PKP4: variants seen among roughly 807,000 people sequenced by gnomAD.
The protein encoded by PKP4 is plakophilin-4.
A neutral mutation model predicts 145.1 loss-of-function variants in PKP4; 90 were observed. The observed-to-expected ratio is 0.62, with a 90% confidence interval of 0.52 to 0.74. The LOEUF is 0.74. Among genes scored for constraint, PKP4 ranks in the 30% least tolerant of loss-of-function variants. The pLI, the probability that PKP4 is intolerant of heterozygous loss-of-function variation, is 0.00. For missense variants in PKP4, 1,340 were observed against 1,482.7 expected (o/e 0.90, Z 1.58); for synonymous variants, 563 against 577.2 (o/e 0.98, Z 0.35).
intron 4 of PKP4, among the ~76,000 whole-genome samples, chr2:158,608,810 T>TTA (rs771935191): frequency 1.3e-5 from 1 of 78,822 alleles, no homozygotes; most frequent in East Asian, 3.2e-4. Flanking sequence ...TTTTCTTTCT[T>TTA]TTTTTTTTTT....
rs766026560 is a variant in PKP4, at chr2:158,631,827, C to G, written c.1228C>G (p.His410Asp). 6.2e-7 allele frequency: 1 copy of G among 1,614,072 alleles called. No homozygotes were observed. The highest frequency in any genetic ancestry group is 8.5e-7 in the Non-Finnish European group (1 of 1,179,942). Residue 410 changes from histidine (H) to aspartate (D), a missense_variant, in exon 8 of 22, where the codon CAC becomes GAC. Coordinates refer to ENST00000389759, the MANE Select transcript of PKP4 (RefSeq NM_003628.6). The part of the protein sequence containing the change: ...DLRSAVSPDL[H>D]ITPIYEGRTY... ...TCGTTCTGCCGTGTCTCCCGACTTG[C>G]ACATTACTCCTATATATGAGGGGAG...
At chr2:158,554,704 C>T (rs1156977550) in intron 2 of PKP4, among the ~76,000 whole-genome samples, 2 of 152,132 alleles carry the variant, frequency 1.3e-5, no homozygotes, top group Admixed American at 6.5e-5. Flanking sequence ...GGATTGCAGG[C>T]GTGAGCCACT....
At chr2:158,461,054 C>T (rs1165021204) in intron 1 of PKP4, among the ~76,000 whole-genome samples, 1 of 152,122 alleles carries the variant, frequency 6.6e-6, no homozygotes, top group Non-Finnish European at 1.5e-5. Flanking sequence ...GTTCGATGCT[C>T]AGTGATAAGA....
chr2:158,504,497 A>T (rs1697032840), intron 1 of PKP4, among the ~76,000 whole-genome samples: 1 of 152,180 alleles, frequency 6.6e-6, no homozygotes, highest in South Asian at 2.1e-4. Flanking sequence ...CTCACTGGCA[A>T]TTTAGCCCTT....
Position 158,680,568 on chromosome 2 carries a change from C to T in PKP4, c.3470C>T (p.Ser1157Leu), listed in dbSNP as rs1559009938. 6.2e-7 allele frequency: 1 copy of T among 1,614,000 alleles called. No homozygotes were observed. Among genetic ancestry groups the T allele is most frequent in the Non-Finnish European group, 8.5e-7 (1 of 1,179,886 alleles). The change falls in exon 22 of 22, where the codon TCA becomes TTA. Residue 1157 changes from serine to leucine, a missense_variant. By Grantham distance (145) the Ser-to-Leu change is moderately radical. Transcript: ENST00000389759. ...RVHFPASTDYSTQYGLKSTTN... is the reference protein window; with the variant it reads ...RVHFPASTDYLTQYGLKSTTN... Reference sequence around the variant, plus strand: ...CACTTTCCAGCTTCTACTGATTACTCAACACAGTATGGACTGAAATCGACC... The same window carrying T: ...CACTTTCCAGCTTCTACTGATTACTTAACACAGTATGGACTGAAATCGACC...
chr2:158,478,743 G>T (rs916934892), intron 1 of PKP4, among the ~76,000 whole-genome samples: 1 of 152,200 alleles, frequency 6.6e-6, no homozygotes, highest in Non-Finnish European at 1.5e-5. Flanking sequence ...TTTGCTTAGG[G>T]TTTGTATGGC....
intron 2 of PKP4, among the ~76,000 whole-genome samples, chr2:158,535,971 A>G (rs1202848315): frequency 6.6e-6 from 1 of 152,218 alleles, no homozygotes; most frequent in Non-Finnish European, 1.5e-5. Context: ...TGCAGGTAAT[A>G]ATAGTGAGGA....
At chr2:158,575,618 A>G (rs375045673) in intron 2 of PKP4, among the ~76,000 whole-genome samples, 17 of 152,304 alleles carry the variant, frequency 1.1e-4, no homozygotes, top group African/African-American at 3.6e-4. Context: ...TCCAGCCCTC[A>G]ATCCCTAGTA....
intron 2 of PKP4, among the ~76,000 whole-genome samples, chr2:158,554,772 T>A (rs2045948619): frequency 6.6e-6 from 1 of 152,134 alleles, no homozygotes; most frequent in Non-Finnish European, 1.5e-5. Context: ...CTTGCCACTT[T>A]CTCTATACCT....
At position 158,472,065 on chromosome 2, in the gene PKP4, T is replaced by C. The variant is rs1184879791; in HGVS notation, c.-6+14847T>C. On this transcript the variant is annotated intron_variant, in intron 1 of 21. Transcript: ENST00000389759. ...GTTAAAGAATATATAATTAGTTAGATTGAAAGAATGAGATCAAGGAATCTA... is the reference window on the plus strand; with the variant it reads ...GTTAAAGAATATATAATTAGTTAGACTGAAAGAATGAGATCAAGGAATCTA... 4.6e-5 allele frequency among the ~76,000 whole-genome samples: 7 copies of C among 152,282 alleles called. No homozygotes were observed. In the South Asian group the frequency reaches 8.3e-4, roughly 18 times the overall value.
intron 2 of PKP4, among the ~76,000 whole-genome samples, chr2:158,569,630 C>T (rs1358856003): frequency 6.6e-6 from 1 of 152,180 alleles, no homozygotes; most frequent in East Asian, 1.9e-4. Context: ...CTTAATTCAG[C>T]CTTCCCTAAA....
chr2:158,515,799 A>T (rs1467050476), intron 1 of PKP4, among the ~76,000 whole-genome samples: 10 of 152,122 alleles, frequency 6.6e-5, no homozygotes, highest in African/African-American at 2.4e-4. Context: ...TAATCCTAAC[A>T]CTTTGAGAGT....
At chr2:158,652,219 T>C (rs1229552622) in intron 11 of PKP4, among the ~76,000 whole-genome samples, 2 of 152,238 alleles carry the variant, frequency 1.3e-5, no homozygotes, top group Non-Finnish European at 2.9e-5. Flanking sequence ...ATCTGTTTTT[T>C]ACTCAACAGT....
intron 1 of PKP4, among the ~76,000 whole-genome samples, chr2:158,492,504 C>G (rs1036798167): frequency 2.6e-5 from 4 of 152,116 alleles, no homozygotes; most frequent in Admixed American, 6.6e-5. Context: ...CCCTCTCCCC[C>G]ACACCAACCC....
intron 3 of PKP4, among the ~76,000 whole-genome samples, chr2:158,583,290 G>T (rs1172037201): frequency 6.6e-6 from 1 of 152,086 alleles, no homozygotes; most frequent in Non-Finnish European, 1.5e-5. Context: ...ACATTGCAGG[G>T]CCCACTTAGA....
intron 1 of PKP4, among the ~76,000 whole-genome samples, chr2:158,510,545 T>C (rs565233560): frequency 2.0e-5 from 3 of 152,358 alleles, no homozygotes; most frequent in Non-Finnish European, 4.4e-5. Context: ...AACACATTAA[T>C]GAATGTCTTC....
chr2:158,679,165 T>C (rs1026922732), intron 21 of PKP4: 6 of 161,134 alleles, frequency 3.7e-5, no homozygotes, highest in African/African-American at 1.2e-4. Flanking sequence ...TGGACCTCAC[T>C]GTGGGAGAGT....
At chr2:158,508,522 GA>G (rs1189113948) in intron 1 of PKP4, among the ~76,000 whole-genome samples, 1 of 152,146 alleles carries the variant, frequency 6.6e-6, no homozygotes, top group African/African-American at 2.4e-5. Flanking sequence ...TTGATACCAA[GA>G]AACCCAGCTG....
At position 158,612,939 on chromosome 2, in the gene PKP4, G is replaced by T. The variant is rs553366722; in HGVS notation, c.281-8051G>T. On this transcript the variant is annotated intron_variant, in intron 4 of 21. Transcript: ENST00000389759. ...TGGCTTTCTTCTGTCTTCATAGCTG[G>T]CTCAAAATGATCAGATACATTTTTC... Among the ~76,000 whole-genome samples, 6 of 152,058 alleles carry T rather than the reference G, an allele frequency of 3.9e-5. No homozygotes were observed. In the East Asian group the frequency reaches 9.7e-4, roughly 24 times the overall value.
Sources: gnomAD v4.1 joint callset for allele counts (sites outside exome capture counted in the v4.1 genomes callset) on GRCh38, gnomAD v4.1.1 for gene constraint, MANE v1.5 for transcripts, NCBI Gene and HGNC (gene_info 2026-07-23, HGNC 2026-07-21) for gene names.